ABCC4: variants seen among roughly 807,000 people sequenced by gnomAD.
The protein encoded by ABCC4 is ATP binding cassette subfamily C member 4 (PEL blood group), also known as ATP-binding cassette sub-family C member 4.
ABCC4 carries 102 observed loss-of-function variants against 168.5 expected under a neutral mutation model. The observed-to-expected ratio is 0.61, with a 90% confidence interval of 0.52 to 0.71. ABCC4 has a LOEUF of 0.71. ABCC4 is among the 30% of genes least tolerant of loss of function. The pLI, the probability that ABCC4 is intolerant of heterozygous loss-of-function variation, is 0.00. For synonymous variants in ABCC4, 617 were observed against 590.7 expected, an observed-to-expected ratio of 1.04 and a Z score of -0.65; for missense variants, 1,402 against 1,605.8, an observed-to-expected ratio of 0.87 and a Z score of 2.17.
In ABCC4 at chr13:95,218,939, A is replaced by G. The variant is rs866984696; in HGVS notation, c.532-8158T>C. ...AGAGAGAAAGAAAGAGAAAGAAAGA[A>G]AGAAAGAAAGAAAGAAAGAAAGAAA... On this transcript the variant is annotated intron_variant, in intron 4 of 30. Transcript: ENST00000645237. Among the ~76,000 whole-genome samples the G allele has an allele frequency of 2.0e-3, 59 of 29,490 alleles. 2 individuals carry two copies. The highest frequency in any genetic ancestry group is 0.011 in the Middle Eastern group (1 of 90). The allele number at this position is 29,490 out of a possible 152,430, so 19.3% of individuals were successfully genotyped here.
intron 19 of ABCC4, among the ~76,000 whole-genome samples, chr13:95,157,069 G>A (rs1029286016): frequency 6.8e-6 from 1 of 147,878 alleles, no homozygotes; most frequent in Admixed American, 6.8e-5. Context: ...TCCAGCCTGG[G>A]CGACAGAGTG....
At chr13:95,041,199 T>C (rs2032343261) in intron 29 of ABCC4, among the ~76,000 whole-genome samples, 1 of 152,248 alleles carries the variant, frequency 6.6e-6, no homozygotes, top group Non-Finnish European at 1.5e-5. Context: ...AAATTAGCTG[T>C]CATTAAGACT....
chr13:95,074,534 G>A (rs773150164), intron 22 of ABCC4, among the ~76,000 whole-genome samples: 4 of 152,140 alleles, frequency 2.6e-5, no homozygotes, highest in African/African-American at 4.8e-5. Flanking sequence ...GGATGCATGC[G>A]AATATGAAAC....
intron 19 of ABCC4, among the ~76,000 whole-genome samples, chr13:95,119,212 T>C (rs1052033220): frequency 6.6e-6 from 1 of 152,204 alleles, no homozygotes; most frequent in Non-Finnish European, 1.5e-5. Flanking sequence ...ACTCCAATCC[T>C]GCATGATGGC....
chr13:95,218,917 G>GAGAA (rs1164936858), intron 4 of ABCC4, among the ~76,000 whole-genome samples: 3 of 36,036 alleles, frequency 8.3e-5, no homozygotes, highest in Non-Finnish European at 1.1e-4. Context: ...GAGAGAGAGA[G>GAGAA]AGAAAGAAAG....
At chr13:95,155,378 C>T (rs1267353619) in intron 19 of ABCC4, among the ~76,000 whole-genome samples, 4 of 151,920 alleles carry the variant, frequency 2.6e-5, no homozygotes, top group African/African-American at 4.8e-5. Context: ...GGGCAACCCT[C>T]GATTTTTGAT....
chr13:95,125,957 C>A (rs1032885635), intron 19 of ABCC4, among the ~76,000 whole-genome samples: 2 of 152,174 alleles, frequency 1.3e-5, no homozygotes, highest in African/African-American at 4.8e-5. Context: ...TCTAGGACGA[C>A]TGCTCTCAAA....
In ABCC4 at chr13:95,261,768, TTACTATATTCTAATGA is replaced by T. The variant is rs1370352091; in HGVS notation, c.75-14031_75-14016del. On this transcript the variant is annotated intron_variant, in intron 1 of 30. Transcript: ENST00000645237. ...AATAAACAGTCAAAAATCTACTGCA[TTACTATATTCTAATGA>T]TACTGAAAACGTTAATAAGAAATTA... Among the ~76,000 whole-genome samples the T allele has an allele frequency of 2.6e-5, 4 of 152,036 alleles. No homozygotes were observed. The East Asian group carries it at 7.7e-4, about 29-fold the overall frequency.
intron 26 of ABCC4, among the ~76,000 whole-genome samples, chr13:95,054,927 G>C (rs1025988202): frequency 6.6e-6 from 1 of 152,152 alleles, no homozygotes; most frequent in African/African-American, 2.4e-5. Flanking sequence ...AATGGATGTA[G>C]AAGGCAGACA....
chr13:95,020,290 T>C lies in ABCC4; in HGVS notation c.*1285A>G, dbSNP rs184300865. ...AAATGCACACGTGTGCATGTCTATATACATATATGCAATTTCAGGGAGGTG... is the reference window on the plus strand; with the variant it reads ...AAATGCACACGTGTGCATGTCTATACACATATATGCAATTTCAGGGAGGTG... On this transcript the variant is annotated 3_prime_UTR_variant, in exon 31 of 31. Transcript: ENST00000645237. 1.3e-5 allele frequency: 2 copies of C among 152,402 alleles called. No individual in the cohort carries two copies. The highest frequency in any genetic ancestry group is 1.9e-4 in the East Asian group (1 of 5,188). The allele number at this position is 152,402 out of a possible 1,614,324, so 9.4% of individuals were successfully genotyped here. A position where few individuals can be genotyped will look rare whatever the true frequency, so the allele number is the denominator to read the frequency against.
At chr13:95,027,956 A>G (rs2031630191) in intron 30 of ABCC4, among the ~76,000 whole-genome samples, 1 of 152,230 alleles carries the variant, frequency 6.6e-6, no homozygotes, top group South Asian at 2.1e-4. Flanking sequence ...TTGGATATTC[A>G]AAGACAATCC....
intron 19 of ABCC4, among the ~76,000 whole-genome samples, chr13:95,151,511 G>C: frequency 6.9e-6 from 1 of 144,098 alleles, no homozygotes; most frequent in South Asian, 2.2e-4. Flanking sequence ...AGAACAAAGA[G>C]GAAAGAAGGA....
Position 95,083,121 on chromosome 13 carries a change from C to G in ABCC4, c.2686+19G>C. 6.2e-7 allele frequency: 1 copy of G among 1,612,646 alleles called. No homozygotes were observed. The highest frequency in any genetic ancestry group is 8.5e-7 in the Non-Finnish European group (1 of 1,179,194). ...AAACTAGCTAGCATGTCTATACCAA[C>G]CCGAGTTTCCATACTCACTTGTAGA... On this transcript the variant is annotated intron_variant, in intron 21 of 30. Coordinates refer to ENST00000645237, the MANE Select transcript of ABCC4 (RefSeq NM_005845.5).
At chr13:95,027,192 A>G (rs1195791792) in intron 30 of ABCC4, among the ~76,000 whole-genome samples, 1 of 152,184 alleles carries the variant, frequency 6.6e-6, no homozygotes, top group Non-Finnish European at 1.5e-5. Flanking sequence ...GACATGCAAT[A>G]AGTCAGGGAT....
At chr13:95,183,473 C>T (rs1295144685) in intron 11 of ABCC4, among the ~76,000 whole-genome samples, 1 of 152,148 alleles carries the variant, frequency 6.6e-6, no homozygotes, top group Non-Finnish European at 1.5e-5. Flanking sequence ...AAGAGGATCC[C>T]TGGTTTCTTC....
At chr13:95,255,083 T>A (rs1158858762) in intron 1 of ABCC4, among the ~76,000 whole-genome samples, 1 of 152,194 alleles carries the variant, frequency 6.6e-6, no homozygotes, top group African/African-American at 2.4e-5. Flanking sequence ...TAGCAAAAGT[T>A]TCCTAAAGGC....
chr13:95,107,275 AAAACT>A (rs2035041197), intron 20 of ABCC4, among the ~76,000 whole-genome samples: 1 of 152,190 alleles, frequency 6.6e-6, no homozygotes, highest in Non-Finnish European at 1.5e-5. Flanking sequence ...AAAACAAAAC[AAAACT>A]AGAGTATTCA....
intron 19 of ABCC4, among the ~76,000 whole-genome samples, chr13:95,131,992 T>C (rs935914651): frequency 3.9e-5 from 6 of 152,076 alleles, no homozygotes; most frequent in African/African-American, 1.4e-4. Context: ...AAAAGAGATA[T>C]GCGCACACTC....
chr13:95,201,559 CT>C (rs138394662), intron 8 of ABCC4, among the ~76,000 whole-genome samples: 7 of 152,130 alleles, frequency 4.6e-5, no homozygotes, highest in African/African-American at 1.4e-4. Flanking sequence ...CTGTGTCTGC[CT>C]TTTGTAAGTT....
Sources: gnomAD v4.1 joint callset for allele counts (sites outside exome capture counted in the v4.1 genomes callset) on GRCh38, gnomAD v4.1.1 for gene constraint, MANE v1.5 for transcripts, NCBI Gene and HGNC (gene_info 2026-07-23, HGNC 2026-07-21) for gene names.